Variants in OR4M1 observed in about 807,000 individuals in gnomAD.
The protein encoded by OR4M1 is olfactory receptor family 4 subfamily M member 1.
Under a neutral mutation model 9.8 loss-of-function variants are expected in OR4M1, and 7 were observed. The observed-to-expected ratio is 0.71, with a 90% CI of 0.41 to 1.34. The LOEUF (loss-of-function observed/expected upper bound fraction) is 1.34, where lower values mean the gene tolerates loss of function less well. OR4M1 is among the 40% of genes most tolerant of loss of function. The pLI, the probability that OR4M1 is intolerant of heterozygous loss-of-function variation, is 0.01. For synonymous variants in OR4M1, 121 were observed against 139.8 expected (o/e 0.87, Z 0.95); for missense variants, 331 against 380.4 (o/e 0.87, Z 1.08).
At position 19,782,548 on chromosome 14, in the gene OR4M1, G is replaced by A. The variant is rs370114933; in HGVS notation, c.*1284G>A. On this transcript the variant is annotated 3_prime_UTR_variant, in exon 2 of 2. Transcript: ENST00000641200. ...AAAATAAATCGTATAACTATTCCTA[G>A]AGTTACTATTTATTTACAGAGATTT... The A allele has an allele frequency of 1.3e-5, 2 of 152,170 alleles. No homozygotes were observed. Among genetic ancestry groups the A allele is most frequent in the Non-Finnish European group, 1.5e-5 (1 of 68,024 alleles). The allele number at this position is 152,170 out of a possible 1,614,324, so 9.4% of individuals were successfully genotyped here.
At chr14:19,779,413 G>C (rs1407309250) in intron 1 of OR4M1, among the ~76,000 whole-genome samples, 1 of 152,220 alleles carries the variant, frequency 6.6e-6, no homozygotes, top group Non-Finnish European at 1.5e-5. Context: ...ATTTGGTAAC[G>C]TGAACTGTTA....
chr14:19,780,738 G>A lies in OR4M1; in HGVS notation c.416G>A (p.Arg139His), dbSNP rs376190089. The change falls in exon 2 of 2, where the codon CGT (arginine) becomes CAT (histidine). Residue 139 changes from arginine (R) to histidine (H), a missense_variant. Physicochemically the swap from Arg to His is conservative, Grantham distance 29. This residue lies in a region of OR4M1 where 209 missense variants were observed against 200.0 expected (regional missense o/e 1.04). Transcript: ENST00000641200. ...PLHYATIMNR[R>H]LCCILVALSW... ...CACTATGCTACCATCATGAATCGAC[G>A]TCTCTGCTGTATCCTGGTGGCTCTC... 197 of 1,614,128 alleles carry A rather than the reference G, an allele frequency of 1.2e-4. 1 individual carries two copies. The highest frequency in any genetic ancestry group is 3.3e-4 in the Middle Eastern group (2 of 6,062).
At position 19,782,440 on chromosome 14, in the gene OR4M1, T is replaced by C. The variant is rs1429895199; in HGVS notation, c.*1176T>C. 6.6e-6 allele frequency: 1 copy of C among 152,266 alleles called. No individual in the cohort carries two copies. The highest frequency in any genetic ancestry group is 1.5e-5 in the Non-Finnish European group (1 of 68,044). The allele number at this position is 152,266 out of a possible 1,614,324, so 9.4% of individuals were successfully genotyped here. ...ATGCATTGGGTGTATTAAGCTTTAGTCTTCTTTTTTAAATTTGATAATGTA... is the reference window on the plus strand; with the variant it reads ...ATGCATTGGGTGTATTAAGCTTTAGCCTTCTTTTTTAAATTTGATAATGTA... On this transcript the variant is annotated 3_prime_UTR_variant, in exon 2 of 2. Coordinates refer to ENST00000641200, the MANE Select transcript of OR4M1 (RefSeq NM_001005500.2).
intron 1 of OR4M1, among the ~76,000 whole-genome samples, chr14:19,774,366 A>C (rs1878249865): frequency 6.6e-6 from 1 of 152,236 alleles, no homozygotes; most frequent in African/African-American, 2.4e-5. Flanking sequence ...AATCCATGTA[A>C]TCATCCCATC....
chr14:19,779,775 A>G (rs1269926297), intron 1 of OR4M1, among the ~76,000 whole-genome samples: 2 of 152,272 alleles, frequency 1.3e-5, no homozygotes, highest in Non-Finnish European at 2.9e-5. Context: ...ATGGAAAAAT[A>G]TGTCCATTCA....
At chr14:19,779,041 G>A (rs1290559444) in intron 1 of OR4M1, among the ~76,000 whole-genome samples, 2 of 152,162 alleles carry the variant, frequency 1.3e-5, no homozygotes, top group African/African-American at 4.8e-5. Flanking sequence ...GTGTCTGCTT[G>A]TAGTAAGCCA....
chr14:19,774,373 C>T (rs1307253549), intron 1 of OR4M1, among the ~76,000 whole-genome samples: 5 of 152,192 alleles, frequency 3.3e-5, no homozygotes, highest in Admixed American at 1.3e-4. Flanking sequence ...GTAATCATCC[C>T]ATCCATCCAT....
chr14:19,776,714 G>A (rs115866290), intron 1 of OR4M1, among the ~76,000 whole-genome samples: 2,167 of 151,982 alleles, frequency 0.014, 45 homozygotes, highest in African/African-American at 0.05. Flanking sequence ...GGTTTTCTTG[G>A]CACAATTCCC....
chr14:19,782,532 C>T lies in OR4M1; in HGVS notation c.*1268C>T, dbSNP rs1002615780. On this transcript the variant is annotated 3_prime_UTR_variant, in exon 2 of 2. Coordinates refer to ENST00000641200, the MANE Select transcript of OR4M1 (RefSeq NM_001005500.2). ...TAGGAATGAATATATAAAAATAAAT[C>T]GTATAACTATTCCTAGAGTTACTAT... The T allele has an allele frequency of 6.6e-5, 10 of 152,148 alleles. No individual in the cohort carries two copies. The highest frequency in any genetic ancestry group is 3.8e-4 in the East Asian group (2 of 5,202). 9.4% of individuals were successfully genotyped at this position (152,148 alleles called of 1,614,324 possible).
chr14:19,780,073 G>C (rs1364993606), intron 1 of OR4M1, among the ~76,000 whole-genome samples: 21 of 152,214 alleles, frequency 1.4e-4, no homozygotes, highest in African/African-American at 2.4e-5. Flanking sequence ...GCCGAGATTT[G>C]AGTTTCAAAT....
At chr14:19,777,460 C>A (rs926498318) in intron 1 of OR4M1, among the ~76,000 whole-genome samples, 3 of 152,072 alleles carry the variant, frequency 2.0e-5, no homozygotes, top group African/African-American at 7.2e-5. Context: ...CTTTTTATTT[C>A]CTGCTTGTCT....
At chr14:19,777,441 C>A (rs549751662) in intron 1 of OR4M1, among the ~76,000 whole-genome samples, 16 of 152,132 alleles carry the variant, frequency 1.1e-4, no homozygotes, top group Non-Finnish European at 1.8e-4. Flanking sequence ...TTTACTCTAC[C>A]ATTGCCTTCT....
chr14:19,780,257 C>G, intron 1 of OR4M1, 37 bp from the exon 2 acceptor site: 1 of 1,462,184 alleles, frequency 6.8e-7, no homozygotes, highest in Non-Finnish European at 9.3e-7. Flanking sequence ...TAGATAAATG[C>G]TATGTGGACT....
intron 1 of OR4M1, among the ~76,000 whole-genome samples, chr14:19,775,348 C>T (rs892010592): frequency 1.4e-4 from 22 of 152,118 alleles, no homozygotes; most frequent in African/African-American, 4.6e-4. Context: ...GACACTGTCT[C>T]GAAATATTTG....
intron 1 of OR4M1, among the ~76,000 whole-genome samples, chr14:19,779,766 T>C (rs1008803169): frequency 2.0e-5 from 3 of 152,266 alleles, no homozygotes; most frequent in African/African-American, 4.8e-5. Context: ...GTTACGCTTA[T>C]GGAAAAATAT....
intron 1 of OR4M1, among the ~76,000 whole-genome samples, chr14:19,776,405 G>C (rs1878309758): frequency 6.6e-6 from 1 of 152,214 alleles, no homozygotes; most frequent in Non-Finnish European, 1.5e-5. Context: ...TACAGAGAAT[G>C]TACCTGTACT....
intron 1 of OR4M1, among the ~76,000 whole-genome samples, chr14:19,775,319 C>T (rs1488390609): frequency 6.6e-6 from 1 of 152,174 alleles, no homozygotes; most frequent in African/African-American, 2.4e-5. Flanking sequence ...GGCCACCTCA[C>T]TCAGTATATA....
Position 19,781,077 on chromosome 14 carries a change from T to G in OR4M1, c.755T>G (p.Met252Arg). 1 of 1,614,248 alleles carries G rather than the reference T, an allele frequency of 6.2e-7. No individual in the cohort carries two copies. Among genetic ancestry groups the G allele is most frequent in the Non-Finnish European group, 8.5e-7 (1 of 1,180,028 alleles). Residue 252 changes from methionine to arginine, a missense_variant, in exon 2 of 2, where the codon ATG becomes AGG. By Grantham distance (91) the Met-to-Arg change is moderately conservative. Transcript: ENST00000641200. ...CYSHITIVVL[M>R]FGPSIYIYAR... The stretch of plus-strand genomic sequence containing the variant: ...TCCCACATTACCATTGTGGTGCTAA[T>G]GTTTGGGCCATCCATCTACATTTAT...
chr14:19,780,274 A>G lies in OR4M1; in HGVS notation c.-29-20A>G. 1 of 1,524,162 alleles carries G rather than the reference A, an allele frequency of 6.6e-7. No individual in the cohort carries two copies. Among genetic ancestry groups the G allele is most frequent in the Non-Finnish European group, 8.9e-7 (1 of 1,129,918 alleles). The allele number at this position is 1,524,162 out of a possible 1,614,324, so 94.4% of individuals were successfully genotyped here. Reference sequence around the variant, plus strand: ...GATAAATGCTATGTGGACTAATTATAGTTTCTTTAATTTTCATAGTTATAT... The same window carrying G: ...GATAAATGCTATGTGGACTAATTATGGTTTCTTTAATTTTCATAGTTATAT... On this transcript the variant is annotated intron_variant, in intron 1 of 1. Coordinates refer to ENST00000641200, the MANE Select transcript of OR4M1 (RefSeq NM_001005500.2).
Sources: gnomAD v4.1 joint callset for allele counts (sites outside exome capture counted in the v4.1 genomes callset) on GRCh38, gnomAD v4.1.1 for gene constraint, gnomAD v4.1.1 regional missense constraint, MANE v1.5 for transcripts, NCBI Gene and HGNC (gene_info 2026-07-23, HGNC 2026-07-21) for gene names.